Variants in SPAG16 observed in about 807,000 individuals in gnomAD.
SPAG16 encodes the protein sperm associated antigen 16.
Under a neutral mutation model 80.4 loss-of-function variants are expected in SPAG16, and 86 were observed. The ratio of observed to expected loss-of-function variants is 1.07; its 90% CI spans 0.90 to 1.28. The LOEUF (loss-of-function observed/expected upper bound fraction) is 1.28. SPAG16 is among the 50% of genes most tolerant of loss of function. The probability of loss-of-function intolerance (pLI) is 0.00; values close to 1 mark genes in which losing one functional copy is unlikely to be tolerated. For synonymous variants in SPAG16, 294 were observed against 265.9 expected (o/e 1.11, Z -1.03); for missense variants, 870 against 765.3 (o/e 1.14, Z -1.61).
intron 13 of SPAG16, among the ~76,000 whole-genome samples, chr2:214,102,924 C>A (rs2053154745): frequency 6.6e-6 from 1 of 152,078 alleles, no homozygotes; most frequent in Admixed American, 6.5e-5. Context: ...AAAAGGGAGG[C>A]CTTTAACCTT....
intron 12 of SPAG16, among the ~76,000 whole-genome samples, chr2:213,934,400 A>G (rs2078900692): frequency 6.6e-6 from 1 of 152,222 alleles, no homozygotes; most frequent in African/African-American, 2.4e-5. Context: ...GAACCAAATG[A>G]TGCAGATTGT....
At chr2:214,011,359 G>A (rs2047272771) in intron 12 of SPAG16, among the ~76,000 whole-genome samples, 1 of 145,842 alleles carries the variant, frequency 6.9e-6, no homozygotes, top group African/African-American at 2.7e-5. Context: ...GTAAGTTTTG[G>A]CACTCTCCTC....
At chr2:213,451,997 T>C (rs1415775087) in intron 9 of SPAG16, among the ~76,000 whole-genome samples, 1 of 147,808 alleles carries the variant, frequency 6.8e-6, no homozygotes, top group Non-Finnish European at 1.5e-5. Context: ...AGCTTCCCTA[T>C]CTTTGTGTGC....
rs549163628 is a variant in SPAG16, at chr2:213,642,107, A to G, written c.1070+152017A>G. Among the ~76,000 whole-genome samples, 3 of 152,260 alleles carry G rather than the reference A, an allele frequency of 2.0e-5. No homozygotes were observed. The East Asian group carries it at 5.8e-4, about 29-fold the overall frequency. ...TTGGGTGGGGACACAGAGCCAAACC[A>G]TATTACTCAGTGAGGATGTGTGTTT... is the stretch of plus-strand genomic sequence containing the variant. On this transcript the variant is annotated intron_variant, in intron 10 of 15. Coordinates refer to ENST00000331683, the MANE Select transcript of SPAG16 (RefSeq NM_024532.5).
At chr2:213,787,500 A>C (rs2070416331) in intron 10 of SPAG16, among the ~76,000 whole-genome samples, 1 of 152,112 alleles carries the variant, frequency 6.6e-6, no homozygotes. Context: ...TTCAAGAGAA[A>C]TTTGGTGAGG....
intron 15 of SPAG16, among the ~76,000 whole-genome samples, chr2:214,374,098 T>C (rs1003118136): frequency 6.6e-6 from 1 of 152,084 alleles, no homozygotes; most frequent in African/African-American, 2.4e-5. Context: ...GTTAAGAAGG[T>C]AGGTTGAGGC....
intron 12 of SPAG16, among the ~76,000 whole-genome samples, chr2:213,961,835 A>G (rs1030691403): frequency 6.6e-6 from 1 of 151,952 alleles, no homozygotes; most frequent in African/African-American, 2.4e-5. Context: ...GTTTTGATCT[A>G]TGGTTTTTTT....
At chr2:214,255,419 A>T (rs1370892146) in intron 15 of SPAG16, among the ~76,000 whole-genome samples, 4 of 152,000 alleles carry the variant, frequency 2.6e-5, no homozygotes, top group Admixed American at 6.6e-5. Flanking sequence ...TCAATCCACA[A>T]TCAACATTTT....
chr2:213,527,660 C>A (rs565161601), intron 10 of SPAG16, among the ~76,000 whole-genome samples: 1 of 151,674 alleles, frequency 6.6e-6, no homozygotes, highest in Non-Finnish European at 1.5e-5. Flanking sequence ...AAAGAAATTG[C>A]GAAAAACAAA....
At chr2:213,887,377 T>C (rs567917630) in intron 11 of SPAG16, among the ~76,000 whole-genome samples, 2 of 152,168 alleles carry the variant, frequency 1.3e-5, no homozygotes, top group African/African-American at 4.8e-5. Flanking sequence ...TTGACATTTT[T>C]GTAGACTACT....
At chr2:213,764,468 C>T (rs1168515722) in intron 10 of SPAG16, among the ~76,000 whole-genome samples, 1 of 151,948 alleles carries the variant, frequency 6.6e-6, no homozygotes, top group Non-Finnish European at 1.5e-5. Flanking sequence ...GATATAGTGT[C>T]CTTGGACTTA....
intron 11 of SPAG16, among the ~76,000 whole-genome samples, chr2:213,880,468 CTTTAG>C (rs1553652366): frequency 2.0e-5 from 3 of 152,030 alleles, no homozygotes; most frequent in Non-Finnish European, 4.4e-5. Context: ...CTGTGCAGAT[CTTTAG>C]TTTAATTAGG....
rs1399888535 is a variant in SPAG16, at chr2:214,355,338, C to A, written c.1721-54802C>A. 4.9e-4 allele frequency among the ~76,000 whole-genome samples: 50 copies of A among 102,430 alleles called. 2 individuals carry two copies. The East Asian group carries it at 0.011, about 22-fold the overall frequency. The allele number at this position is 102,430 out of a possible 152,430, so 67.2% of individuals were successfully genotyped here. On this transcript the variant is annotated intron_variant, in intron 15 of 15. Transcript: ENST00000331683. The stretch of plus-strand genomic sequence containing the variant: ...ACAAATTTACAAGAAAAAAAAAAAA[C>A]AACCCCATCAAAAAGTGGGCGAAGG...
chr2:214,378,704 T>C (rs1574452582), intron 15 of SPAG16, among the ~76,000 whole-genome samples: 1 of 152,092 alleles, frequency 6.6e-6, no homozygotes, highest in East Asian at 1.9e-4. Context: ...AGAGAGGGGG[T>C]ATATGCCAGA....
chr2:213,620,454 G>A (rs574532831), intron 10 of SPAG16, among the ~76,000 whole-genome samples: 23 of 151,710 alleles, frequency 1.5e-4, no homozygotes, highest in African/African-American at 4.8e-4. Context: ...CACCACGCCC[G>A]GCTAATTTTT....
At chr2:214,008,734 G>T (rs189128351) in intron 12 of SPAG16, among the ~76,000 whole-genome samples, 1 of 142,510 alleles carries the variant, frequency 7.0e-6, no homozygotes, top group African/African-American at 2.8e-5. Flanking sequence ...AACAGAGCAA[G>T]ACTCCATCTC....
intron 11 of SPAG16, among the ~76,000 whole-genome samples, chr2:213,922,583 T>C (rs574708378): frequency 6.6e-6 from 1 of 152,300 alleles, no homozygotes; most frequent in South Asian, 2.1e-4. Flanking sequence ...GTATGATTAT[T>C]TAGAGGAAAG....
chr2:213,898,316 T>C (rs2077076221), intron 11 of SPAG16, among the ~76,000 whole-genome samples: 1 of 152,194 alleles, frequency 6.6e-6, no homozygotes, highest in South Asian at 2.1e-4. Flanking sequence ...CTAAAATATC[T>C]TATTTACTTA....
intron 15 of SPAG16, among the ~76,000 whole-genome samples, chr2:214,358,563 T>C (rs1222153391): frequency 6.6e-6 from 1 of 151,608 alleles, no homozygotes; most frequent in East Asian, 2.0e-4. Context: ...ACCTATGGAA[T>C]CTACCACTGA....
Sources: allele counts gnomAD v4.1 joint callset (sites outside exome capture counted in the v4.1 genomes callset), GRCh38; gene constraint gnomAD v4.1.1; transcripts MANE v1.5; gene names NCBI Gene and HGNC (gene_info 2026-07-23, HGNC 2026-07-21).